Variants in RBM47 observed in about 807,000 individuals in gnomAD.
RBM47 encodes RNA-binding protein 47.
In RBM47, 21 loss-of-function variants were observed where a neutral mutation model predicts 47.1. The ratio of observed to expected loss-of-function variants is 0.45; its 90% CI spans 0.32 to 0.64. RBM47 has a LOEUF of 0.64. RBM47 is among the 30% of genes least tolerant of loss of function. RBM47 has a pLI of 0.05. For synonymous variants in RBM47, 375 were observed against 361.7 expected (o/e 1.04, Z -0.42); for missense variants, 708 against 870.9 (o/e 0.81, Z 2.35).
At position 40,426,012 on chromosome 4, in the gene RBM47, G is replaced by T. The variant is rs772534722; in HGVS notation, c.1674C>A (p.Asn558Lys). The change falls in exon 7 of 7, where the codon AAC becomes AAA. Residue 558 changes from asparagine (N) to lysine (K), a missense_variant. Coordinates refer to ENST00000295971, the MANE Select transcript of RBM47 (RefSeq NM_001098634.2). ...ATATIATLQKNAAAAAAMYGG... is the reference protein window; with the variant it reads ...ATATIATLQKKAAAAAAMYGG... Reference sequence around the variant, plus strand: ...CATACATGGCGGCCGCGGCTGCCGCGTTCTTCTGTAGTGTGGCGATCGTGG... The same window carrying T: ...CATACATGGCGGCCGCGGCTGCCGCTTTCTTCTGTAGTGTGGCGATCGTGG... The T allele has an allele frequency of 6.2e-7, 1 of 1,614,198 alleles. No individual in the cohort carries two copies. Among genetic ancestry groups the T allele is most frequent in the Non-Finnish European group, 8.5e-7 (1 of 1,180,038 alleles).
chr4:40,622,198 A>C (rs1442882632), intron 1 of RBM47, among the ~76,000 whole-genome samples: 4 of 152,218 alleles, frequency 2.6e-5, no homozygotes, highest in Admixed American at 2.0e-4. Context: ...ACACAATTAC[A>C]TAGTATGCTA....
chr4:40,432,797 C>A lies in RBM47; in HGVS notation c.1396G>T (p.Glu466Ter). 1 of 1,613,924 alleles carries A rather than the reference C, an allele frequency of 6.2e-7. No individual in the cohort carries two copies. The highest frequency in any genetic ancestry group is 8.5e-7 in the Non-Finnish European group (1 of 1,179,968). The part of the protein sequence containing the change: ...FPAAPAPKMI[E>*]DGKIHTVEHM... ...TCCACTGTGTGGATTTTGCCATCTT[C>A]AATCATTTTAGGGGCTGGAGCTGCT... Residue 466 changes from glutamate (E) to a stop codon, truncating the protein, a stop_gained, in exon 6 of 7, where the codon GAA (glutamate) becomes TAA (stop). Coordinates refer to ENST00000295971, the MANE Select transcript of RBM47 (RefSeq NM_001098634.2). LOFTEE classifies it high-confidence loss of function.
At chr4:40,569,510 C>T (rs1239298336) in intron 1 of RBM47, among the ~76,000 whole-genome samples, 2 of 149,306 alleles carry the variant, frequency 1.3e-5, no homozygotes, top group South Asian at 4.2e-4. Flanking sequence ...CCCGGGTTCA[C>T]ACCATTCTCC....
intron 1 of RBM47, among the ~76,000 whole-genome samples, chr4:40,599,698 T>C (rs1387884537): frequency 6.7e-6 from 1 of 148,750 alleles, no homozygotes; most frequent in Admixed American, 6.8e-5. Flanking sequence ...AAAGCCATCT[T>C]AAATCATCAA....
chr4:40,510,554 C>CT lies in RBM47; in HGVS notation c.-155+33867dup, dbSNP rs1724790319. 3.3e-5 allele frequency among the ~76,000 whole-genome samples: 5 copies of CT among 152,194 alleles called. No individual in the cohort carries two copies. In the South Asian group the frequency reaches 1.0e-3, roughly 32 times the overall value. Reference sequence around the variant, plus strand: ...TTTCAGAGCAAAATTAGAGGACCTCCTTTAGGGGACCTGGGAAGGTCACCT... The same window carrying CT: ...TTTCAGAGCAAAATTAGAGGACCTCCTTTTAGGGGACCTGGGAAGGTCACCT... On this transcript the variant is annotated intron_variant, in intron 2 of 6. Transcript: ENST00000295971.
chr4:40,488,408 C>T (rs73235642), intron 2 of RBM47, among the ~76,000 whole-genome samples: 16,152 of 151,976 alleles, frequency 0.11, 955 homozygotes, highest in Non-Finnish European at 0.12. Flanking sequence ...TTTCAGTGCG[C>T]ACCATTTTCA....
chr4:40,431,656 TA>T (rs552107936), intron 6 of RBM47, among the ~76,000 whole-genome samples: 19,989 of 58,122 alleles, frequency 0.34, 1,921 homozygotes, highest in African/African-American at 0.47. Flanking sequence ...AGACTCCGTC[TA>T]AAAAAAAAAA....
chr4:40,549,109 T>TTGG (rs557930503), intron 1 of RBM47, among the ~76,000 whole-genome samples: 3 of 147,002 alleles, frequency 2.0e-5, no homozygotes, highest in African/African-American at 7.8e-5. Flanking sequence ...TCTTTTTTTT[T>TTGG]GGGGGGGGGG....
chr4:40,489,544 A>T (rs894028506), intron 2 of RBM47, among the ~76,000 whole-genome samples: 2 of 152,206 alleles, frequency 1.3e-5, no homozygotes, highest in African/African-American at 4.8e-5. Flanking sequence ...ACTATGAACA[A>T]TTATATGCCA....
chr4:40,591,793 G>A (rs1019473049), intron 1 of RBM47, among the ~76,000 whole-genome samples: 27 of 152,186 alleles, frequency 1.8e-4, no homozygotes, highest in African/African-American at 3.4e-4. Context: ...TCTCCAGAGC[G>A]TCAACACTGG....
intron 2 of RBM47, among the ~76,000 whole-genome samples, chr4:40,535,340 C>T (rs2154260439): frequency 6.8e-6 from 1 of 146,710 alleles, no homozygotes; most frequent in Middle Eastern, 3.4e-3. Flanking sequence ...TTGTGTTCAG[C>T]ACCTTTTCAT....
At chr4:40,439,292 T>C (rs78968174) in intron 3 of RBM47, among the ~76,000 whole-genome samples, 96 of 152,384 alleles carry the variant, frequency 6.3e-4, no homozygotes, top group African/African-American at 2.2e-3. Context: ...TTCCTTGTTA[T>C]ATGGAATTTG....
chr4:40,597,496 G>A (rs921215251), intron 1 of RBM47, among the ~76,000 whole-genome samples: 1 of 135,948 alleles, frequency 7.4e-6, no homozygotes, highest in Admixed American at 7.4e-5. Context: ...GCAGGAGAAT[G>A]GCTTGAACCC....
intron 3 of RBM47, among the ~76,000 whole-genome samples, chr4:40,451,184 C>CAAAAAAAAA (rs958122281): frequency 5.8e-5 from 3 of 51,472 alleles, no homozygotes; most frequent in African/African-American, 1.2e-4. Context: ...CAGTAGCTAC[C>CAAAAAAAAA]AAAAAAAAAA....
At chr4:40,547,763 T>G (rs576882227) in intron 1 of RBM47, among the ~76,000 whole-genome samples, 26 of 152,310 alleles carry the variant, frequency 1.7e-4, no homozygotes, top group African/African-American at 6.3e-4. Flanking sequence ...TAAAATACTA[T>G]GAGGCCATAC....
At chr4:40,545,706 A>AAATAAAT (rs1560459884) in intron 1 of RBM47, among the ~76,000 whole-genome samples, 4 of 64,250 alleles carry the variant, frequency 6.2e-5, no homozygotes, top group African/African-American at 1.1e-4. Context: ...AATAAATAAA[A>AAATAAAT]GAGAAAGAGA....
intron 1 of RBM47, among the ~76,000 whole-genome samples, chr4:40,617,051 T>TTTTTAGTA (rs1307919325): frequency 2.0e-5 from 3 of 151,820 alleles, no homozygotes; most frequent in Non-Finnish European, 4.4e-5. Context: ...AATTTTTGTA[T>TTTTTAGTA]TTTTAGTAGA....
chr4:40,460,290 TAGAG>T (rs1169091153), intron 3 of RBM47, among the ~76,000 whole-genome samples: 2 of 151,880 alleles, frequency 1.3e-5, no homozygotes, highest in Non-Finnish European at 2.9e-5. Flanking sequence ...AGGAATTCGG[TAGAG>T]ATTTTATGCC....
rs147003243 is a variant in RBM47 at position 40,590,182 on chromosome 4, G to A, written c.-240+39214C>T. On this transcript the variant is annotated intron_variant, in intron 1 of 6. Transcript: ENST00000295971. ...AAGATGGAAATCTAGACGTGTGCAC[G>A]CCTGTGTGCCTGTGTAACATCTTAA... Among the ~76,000 whole-genome samples, 641 of 152,240 alleles carry A rather than the reference G, an allele frequency of 4.2e-3. 5 individuals carry two copies. Among genetic ancestry groups the A allele is most frequent in the South Asian group, 0.011 (55 of 4,828 alleles).
Sources: allele counts gnomAD v4.1 joint callset (sites outside exome capture counted in the v4.1 genomes callset), GRCh38; gene constraint gnomAD v4.1.1; transcripts MANE v1.5; gene names NCBI Gene and HGNC (gene_info 2026-07-23, HGNC 2026-07-21).